The following SIPA1L3 variants were observed in gnomAD, a reference collection of about 807,000 sequenced individuals.
SIPA1L3 encodes signal-induced proliferation-associated 1-like protein 3.
Under a neutral mutation model 150.1 loss-of-function variants are expected in SIPA1L3, and 59 were observed. The observed-to-expected ratio is 0.39, with a 90% confidence interval of 0.32 to 0.49. The LOEUF (loss-of-function observed/expected upper bound fraction) is 0.49. Among genes scored for constraint, SIPA1L3 ranks in the 20% least tolerant of loss-of-function variants. The pLI is 0.86. For missense variants in SIPA1L3, 2,211 were observed against 2,489.5 expected (o/e 0.89, Z 2.38); for synonymous variants, 1,070 against 1,077.6 (o/e 0.99, Z 0.14).
intron 21 of SIPA1L3, among the ~76,000 whole-genome samples, chr19:38,204,651 G>A (rs1164630852): frequency 1.3e-5 from 2 of 152,036 alleles, no homozygotes; most frequent in African/African-American, 4.8e-5. Context: ...TGTAATCCCA[G>A]GTACTCAGGA....
In SIPA1L3 at chr19:38,065,987, CTTATTTATTTAT is replaced by C. The variant is rs56249728; in HGVS notation, c.-310-15238_-310-15227del. On this transcript the variant is annotated intron_variant, in intron 2 of 21. Coordinates refer to ENST00000222345, the MANE Select transcript of SIPA1L3 (RefSeq NM_015073.3). Reference sequence around the variant, plus strand: ...TTGCTCTGTTGCCCGGGCTTGATCTCTTATTTATTTATTTATTTATTTATTTATTTATTTATT... The same window carrying C: ...TTGCTCTGTTGCCCGGGCTTGATCTCTTATTTATTTATTTATTTATTTATT... Among the ~76,000 whole-genome samples, 76 of 121,356 alleles carry C rather than the reference CTTATTTATTTAT, an allele frequency of 6.3e-4. 1 individual carries two copies. Among genetic ancestry groups the C allele is most frequent in the Middle Eastern group, 4.0e-3 (1 of 252 alleles). 79.6% of individuals were successfully genotyped at this position (121,356 alleles called of 152,430 possible).
intron 2 of SIPA1L3, among the ~76,000 whole-genome samples, chr19:38,030,640 ATATATATATATG>A (rs929782701): frequency 5.8e-5 from 4 of 68,682 alleles, no homozygotes; most frequent in Non-Finnish European, 1.0e-4. Flanking sequence ...ATATATATAT[ATATATATATATG>A]GCAAATACTT....
intron 15 of SIPA1L3, among the ~76,000 whole-genome samples, chr19:38,175,135 C>G (rs768684712): frequency 5.3e-5 from 8 of 151,944 alleles, no homozygotes; most frequent in Non-Finnish European, 8.8e-5. Context: ...CCTCAGTTTC[C>G]CCCACCTGGA....
chr19:37,980,983 G>A (rs1028583164), intron 1 of SIPA1L3, among the ~76,000 whole-genome samples: 1 of 152,172 alleles, frequency 6.6e-6, no homozygotes, highest in Admixed American at 6.5e-5. Context: ...AGACACAGTC[G>A]TAGTGCCAAA....
intron 4 of SIPA1L3, among the ~76,000 whole-genome samples, chr19:38,091,927 G>T (rs1344013951): frequency 1.3e-5 from 2 of 151,978 alleles, no homozygotes; most frequent in African/African-American, 4.8e-5. Context: ...AGCTAGGCAT[G>T]GTAGCAGGTG....
At chr19:37,949,377 A>G (rs1347480672) in intron 1 of SIPA1L3, among the ~76,000 whole-genome samples, 1 of 152,080 alleles carries the variant, frequency 6.6e-6, no homozygotes, top group East Asian at 1.9e-4. Flanking sequence ...TTCAAAGGGG[A>G]CTATAAGGCC....
At chr19:38,189,676 G>C (rs1312475168) in intron 16 of SIPA1L3, among the ~76,000 whole-genome samples, 1 of 152,132 alleles carries the variant, frequency 6.6e-6, no homozygotes, top group Non-Finnish European at 1.5e-5. Flanking sequence ...TGAGGCAGGA[G>C]AATTGCTTGA....
chr19:38,077,929 C>T (rs367723885), intron 2 of SIPA1L3, among the ~76,000 whole-genome samples: 2 of 151,990 alleles, frequency 1.3e-5, no homozygotes, highest in Non-Finnish European at 2.9e-5. Flanking sequence ...CCTCGGCCTC[C>T]CAAAGTGCTG....
intron 1 of SIPA1L3, among the ~76,000 whole-genome samples, chr19:37,963,041 T>C (rs950833012): frequency 3.3e-5 from 5 of 152,224 alleles, no homozygotes; most frequent in Non-Finnish European, 7.3e-5. Flanking sequence ...CATGGTTTAG[T>C]GGTCAGATTA....
intron 1 of SIPA1L3, among the ~76,000 whole-genome samples, chr19:37,973,655 T>C (rs1287242215): frequency 6.6e-6 from 1 of 151,324 alleles, no homozygotes; most frequent in Non-Finnish European, 1.5e-5. Flanking sequence ...GAGTAGCGTA[T>C]GCCTGTCCCC....
intron 6 of SIPA1L3, among the ~76,000 whole-genome samples, chr19:38,105,879 TCCAAGGAAAGGAAGTG>T (rs1970612054): frequency 6.6e-6 from 1 of 152,156 alleles, no homozygotes; most frequent in South Asian, 2.1e-4. Flanking sequence ...TGGGCTGTGG[TCCAAGGAAAGGAAGTG>T]CCAGGTTATC....
At chr19:38,059,557 C>A (rs1233661655) in intron 2 of SIPA1L3, among the ~76,000 whole-genome samples, 2 of 152,096 alleles carry the variant, frequency 1.3e-5, no homozygotes, top group Non-Finnish European at 2.9e-5. Context: ...TTGCTTATGT[C>A]ATACAAGAGT....
At chr19:38,038,306 G>T (rs902651553) in intron 2 of SIPA1L3, among the ~76,000 whole-genome samples, 4 of 152,120 alleles carry the variant, frequency 2.6e-5, no homozygotes, top group Admixed American at 1.3e-4. Flanking sequence ...TAAAAGTCAT[G>T]TGCAGGCCAG....
chr19:37,956,639 A>G (rs909244594), intron 1 of SIPA1L3, among the ~76,000 whole-genome samples: 2 of 151,932 alleles, frequency 1.3e-5, no homozygotes, highest in African/African-American at 2.4e-5. Flanking sequence ...ACACGCCACC[A>G]TGCCCAGCTA....
In SIPA1L3 at chr19:38,141,377, C is replaced by T; in HGVS notation, c.3337C>T (p.Pro1113Ser). Residue 1113 changes from proline (P) to serine (S), a missense_variant, in exon 11 of 22, where the codon CCC (proline) becomes TCC (serine). Coordinates refer to ENST00000222345, the MANE Select transcript of SIPA1L3 (RefSeq NM_015073.3). ...TPGHAQSLSR[P>S]LKQTPIVPFR... ...CGGCCATGCCCAGTCCCTGAGCCGGCCCCTGAAGCAGACCCCCATAGTCCC... is the reference window on the plus strand; with the variant it reads ...CGGCCATGCCCAGTCCCTGAGCCGGTCCCTGAAGCAGACCCCCATAGTCCC... 3.7e-6 allele frequency: 6 copies of T among 1,613,728 alleles called. No individual in the cohort carries two copies. Among genetic ancestry groups the T allele is most frequent in the African/African-American group, 1.3e-5 (1 of 75,046 alleles).
intron 9 of SIPA1L3, among the ~76,000 whole-genome samples, chr19:38,128,362 A>G (rs913399902): frequency 1.3e-5 from 2 of 152,054 alleles, no homozygotes; most frequent in South Asian, 2.1e-4. Flanking sequence ...CGTTTCCCCC[A>G]CTTTCCAAAT....
At chr19:38,158,793 G>A (rs763055855) in intron 13 of SIPA1L3, among the ~76,000 whole-genome samples, 49 of 152,224 alleles carry the variant, frequency 3.2e-4, no homozygotes, top group Non-Finnish European at 6.0e-4. Context: ...CAGGAAAACT[G>A]TGGGAGATGC....
intron 16 of SIPA1L3, among the ~76,000 whole-genome samples, chr19:38,187,854 G>A (rs73026481): frequency 0.03 from 4,559 of 151,640 alleles, 102 homozygotes; most frequent in South Asian, 0.045. Flanking sequence ...AAAATTAGCC[G>A]AGTATGATGG....
intron 2 of SIPA1L3, among the ~76,000 whole-genome samples, chr19:38,055,489 C>A (rs1314677678): frequency 6.6e-6 from 1 of 152,212 alleles, no homozygotes; most frequent in East Asian, 1.9e-4. Context: ...AGGTCCCATC[C>A]CCCATCCCCT....
Sources: allele counts gnomAD v4.1 joint callset (sites outside exome capture counted in the v4.1 genomes callset), GRCh38; gene constraint gnomAD v4.1.1; transcripts MANE v1.5; gene names NCBI Gene and HGNC (gene_info 2026-07-23, HGNC 2026-07-21).